CTNNA3: variants seen among roughly 807,000 people sequenced by gnomAD.
CTNNA3 encodes the protein catenin alpha 3, also known as catenin alpha-3.
In CTNNA3, 76 loss-of-function variants were observed where a neutral mutation model predicts 95.7. The observed-to-expected ratio is 0.79, with a 90% CI of 0.66 to 0.96. The LOEUF is 0.96. Ranked by LOEUF, CTNNA3 falls within the 40% of genes least tolerant of loss-of-function variation. CTNNA3 has a pLI of 0.00. For synonymous variants in CTNNA3, 431 were observed against 374.4 expected (o/e 1.15, Z -1.74); for missense variants, 1,191 against 1,089.8 (o/e 1.09, Z -1.31).
chr10:66,116,713 G>A (rs10996910), intron 13 of CTNNA3, among the ~76,000 whole-genome samples: 22,793 of 152,068 alleles, frequency 0.15, 2,140 homozygotes, highest in Middle Eastern at 0.22. Context: ...ATGTTTAATC[G>A]ACTCACAATT....
chr10:66,036,311 G>A (rs2079562320), intron 15 of CTNNA3, among the ~76,000 whole-genome samples: 1 of 152,138 alleles, frequency 6.6e-6, no homozygotes, highest in African/African-American at 2.4e-5. Context: ...TTCAACCTCA[G>A]TAAGTCTCTA....
At chr10:67,255,745 T>G (rs1279428548) in intron 5 of CTNNA3, among the ~76,000 whole-genome samples, 1 of 152,226 alleles carries the variant, frequency 6.6e-6, no homozygotes, top group Non-Finnish European at 1.5e-5. Flanking sequence ...CAGTAAGAAC[T>G]GAAAACCTTC....
intron 7 of CTNNA3, among the ~76,000 whole-genome samples, chr10:67,075,085 AACAATTCAGAT>A (rs72341857): frequency 0.35 from 52,518 of 151,486 alleles, 9,469 homozygotes; most frequent in Middle Eastern, 0.56. Flanking sequence ...TTGGTACCTG[AACAATTCAGAT>A]ACATTTGTAG....
rs572849021 is a variant in CTNNA3 at position 66,980,099 on chromosome 10, T to C, written c.1047+200218A>G. On this transcript the variant is annotated intron_variant, in intron 7 of 17. Transcript: ENST00000433211. ...ATAACTTGTAAAGCACCAACTGTAT[T>C]TCCTGGTTACTAATCAAATTTGTTT... is the stretch of plus-strand genomic sequence containing the variant. Among the ~76,000 whole-genome samples, 9 of 152,308 alleles carry C rather than the reference T, an allele frequency of 5.9e-5. No individual in the cohort carries two copies. In the South Asian group the frequency reaches 1.9e-3, roughly 32 times the overall value.
chr10:67,090,125 T>C (rs1857543560), intron 7 of CTNNA3, among the ~76,000 whole-genome samples: 1 of 152,126 alleles, frequency 6.6e-6, no homozygotes. Context: ...CCAAAGGTCT[T>C]CCTGAACATT....
At position 66,360,739 on chromosome 10, in the gene CTNNA3, T is replaced by TCCTCCTTC. The variant is rs1564896782; in HGVS notation, c.1732+18412_1732+18413insGAAGGAGG. 6.0e-4 allele frequency among the ~76,000 whole-genome samples: 49 copies of TCCTCCTTC among 82,122 alleles called. 6 individuals carry two copies. Among genetic ancestry groups the TCCTCCTTC allele is most frequent in the Non-Finnish European group, 1.0e-3 (43 of 41,466 alleles). The allele number at this position is 82,122 out of a possible 152,430, so 53.9% of individuals were successfully genotyped here. On this transcript the variant is annotated intron_variant, in intron 12 of 17. Transcript: ENST00000433211. ...TCCTTTCTTCCTTTCTTTCTTTCTT[T>TCCTCCTTC]CTTTCTTCCTTCCTTCCTTCCTTCC...
At chr10:66,910,240 C>T (rs1056472157) in intron 7 of CTNNA3, among the ~76,000 whole-genome samples, 4 of 152,156 alleles carry the variant, frequency 2.6e-5, no homozygotes, top group Non-Finnish European at 4.4e-5. Flanking sequence ...TACAGTGTGG[C>T]TGTATTGCAG....
rs147270802 is a variant in CTNNA3 at position 67,272,773 on chromosome 10, T to C, written c.580-52903A>G. ...AAGTTCCTGGCCTCAAATAATCTTA[T>C]AATTTTGAGGACATTTTCTGATTGA... On this transcript the variant is annotated intron_variant, in intron 5 of 17. Coordinates refer to ENST00000433211, the MANE Select transcript of CTNNA3 (RefSeq NM_013266.4). 4.7e-4 allele frequency among the ~76,000 whole-genome samples: 71 copies of C among 152,284 alleles called. No individual in the cohort carries two copies. The East Asian group carries it at 0.012, about 26-fold the overall frequency.
At chr10:66,209,286 A>ATCC (rs1564767784) in intron 13 of CTNNA3, among the ~76,000 whole-genome samples, 1 of 152,178 alleles carries the variant, frequency 6.6e-6, no homozygotes, top group Non-Finnish European at 1.5e-5. Context: ...CAAAATTCTT[A>ATCC]ATCTCTTGAA....
chr10:67,538,912 G>A (rs1840573713), intron 4 of CTNNA3, among the ~76,000 whole-genome samples: 2 of 152,150 alleles, frequency 1.3e-5, no homozygotes, highest in Admixed American at 1.3e-4. Context: ...TGTGCTAAGT[G>A]GGTTTGTCTG....
intron 1 of CTNNA3, among the ~76,000 whole-genome samples, chr10:67,729,653 C>CG (rs1380458539): frequency 6.6e-6 from 1 of 151,824 alleles, no homozygotes; most frequent in Non-Finnish European, 1.5e-5. Context: ...TGGTTATTTC[C>CG]AGAGTTACTA....
intron 1 of CTNNA3, among the ~76,000 whole-genome samples, chr10:67,740,196 A>C (rs1841327430): frequency 6.6e-6 from 1 of 152,200 alleles, no homozygotes; most frequent in Admixed American, 6.5e-5. Context: ...GCCTAAAACC[A>C]TAAAAACCCT....
In CTNNA3 at chr10:65,916,939, A is replaced by G. The variant is rs2077014864; in HGVS notation, c.*3391T>C. ...CTCATTATTTAATTTGAGGAGCATT[A>G]ATTATTTGGTCTGAAGGCCCAAGTT... is the stretch of plus-strand genomic sequence containing the variant. On this transcript the variant is annotated 3_prime_UTR_variant, in exon 18 of 18. Coordinates refer to ENST00000433211, the MANE Select transcript of CTNNA3 (RefSeq NM_013266.4). 6.6e-6 allele frequency: 1 copy of G among 152,130 alleles called. No homozygotes were observed. Among genetic ancestry groups the G allele is most frequent in the Admixed American group, 6.6e-5 (1 of 15,254 alleles). 9.4% of individuals were successfully genotyped at this position (152,130 alleles called of 1,614,324 possible).
intron 9 of CTNNA3, among the ~76,000 whole-genome samples, chr10:66,758,135 C>G (rs1839445852): frequency 6.6e-6 from 1 of 152,116 alleles, no homozygotes; most frequent in African/African-American, 2.4e-5. Flanking sequence ...CATTCACCAT[C>G]AAATTACCTA....
chr10:67,262,161 A>G (rs1445408235), intron 5 of CTNNA3, among the ~76,000 whole-genome samples: 2 of 152,190 alleles, frequency 1.3e-5, no homozygotes, highest in Non-Finnish European at 2.9e-5. Context: ...AAAAGGCATA[A>G]TTATTATTAT....
At chr10:66,477,244 G>T (rs1043430035) in intron 11 of CTNNA3, among the ~76,000 whole-genome samples, 1 of 152,010 alleles carries the variant, frequency 6.6e-6, no homozygotes, top group African/African-American at 2.4e-5. Context: ...CAACTAAAAT[G>T]GCATTTCTGG....
At position 66,466,976 on chromosome 10, in the gene CTNNA3, A is replaced by C. The variant is rs373914093; in HGVS notation, c.1531+53641T>G. On this transcript the variant is annotated intron_variant, in intron 11 of 17. Transcript: ENST00000433211. ...GTTGATTGACTGTTTCTCTCACTGT[A>C]AATCCTAAATGGCAGGGATTCTAAT... Among the ~76,000 whole-genome samples the C allele has an allele frequency of 3.8e-4, 58 of 152,134 alleles. 1 individual carries two copies. In the South Asian group the frequency reaches 0.012, roughly 31 times the overall value.
chr10:66,834,707 C>T (rs552181750), intron 7 of CTNNA3, among the ~76,000 whole-genome samples: 2 of 152,274 alleles, frequency 1.3e-5, no homozygotes, highest in South Asian at 2.1e-4. Context: ...GTAGATTTCC[C>T]GATTGAGCTC....
intron 12 of CTNNA3, among the ~76,000 whole-genome samples, chr10:66,363,295 C>G (rs1398503433): frequency 6.6e-6 from 1 of 152,156 alleles, no homozygotes; most frequent in Non-Finnish European, 1.5e-5. Context: ...ACCCTAATCC[C>G]TAATGTGATG....
Sources: allele counts gnomAD v4.1 joint callset (sites outside exome capture counted in the v4.1 genomes callset), GRCh38; gene constraint gnomAD v4.1.1; transcripts MANE v1.5; gene names NCBI Gene and HGNC (gene_info 2026-07-23, HGNC 2026-07-21).